CTNNA2: variants seen among roughly 807,000 people sequenced by gnomAD.
The protein encoded by CTNNA2 is catenin alpha 2.
In CTNNA2, 42 loss-of-function variants were observed where a neutral mutation model predicts 101.0. The observed-to-expected ratio is 0.42, with a 90% CI of 0.32 to 0.54. CTNNA2 has a LOEUF of 0.54. CTNNA2 is among the 20% of genes least tolerant of loss of function. The pLI, the probability that CTNNA2 is intolerant of heterozygous loss-of-function variation, is 0.14. For missense variants in CTNNA2, 871 were observed against 1,223.1 expected, an observed-to-expected ratio of 0.71 and a Z score of 4.29; for synonymous variants, 450 against 456.4, an observed-to-expected ratio of 0.99 and a Z score of 0.18.
At chr2:80,213,952 C>T (rs991941120) in intron 7 of CTNNA2, among the ~76,000 whole-genome samples, 6 of 152,132 alleles carry the variant, frequency 3.9e-5, no homozygotes, top group African/African-American at 1.4e-4. Flanking sequence ...TGAATTGATG[C>T]CTTTACCATT....
intron 3 of CTNNA2, among the ~76,000 whole-genome samples, chr2:79,821,446 C>T (rs1678000308): frequency 6.6e-6 from 1 of 152,124 alleles, no homozygotes; most frequent in African/African-American, 2.4e-5. Flanking sequence ...TGGCCTCAAG[C>T]AGTCCTATTG....
At chr2:79,552,082 T>A (rs577178386) in intron 1 of CTNNA2, among the ~76,000 whole-genome samples, 1 of 152,218 alleles carries the variant, frequency 6.6e-6, no homozygotes, top group African/African-American at 2.4e-5. Flanking sequence ...CAGTCCAAAG[T>A]CTCACTTGAG....
At chr2:79,614,205 ATATGT>A (rs1678473433) in intron 1 of CTNNA2, among the ~76,000 whole-genome samples, 1 of 152,208 alleles carries the variant, frequency 6.6e-6, no homozygotes, top group East Asian at 1.9e-4. Flanking sequence ...CTCCTCTTTA[ATATGT>A]TATATCAGTT....
chr2:80,251,850 A>C (rs922798650), intron 7 of CTNNA2, among the ~76,000 whole-genome samples: 11 of 152,214 alleles, frequency 7.2e-5, no homozygotes, highest in African/African-American at 2.7e-4. Flanking sequence ...GAGTCTAGCC[A>C]ACTTTTACCA....
chr2:79,994,838 T>C (rs1692432249), intron 7 of CTNNA2, among the ~76,000 whole-genome samples: 1 of 152,156 alleles, frequency 6.6e-6, no homozygotes, highest in Admixed American at 6.5e-5. Flanking sequence ...TCAGGAGATA[T>C]CACCCTGACT....
intron 7 of CTNNA2, among the ~76,000 whole-genome samples, chr2:79,977,314 G>A (rs1467875836): frequency 6.6e-6 from 1 of 151,726 alleles, no homozygotes; most frequent in Non-Finnish European, 1.5e-5. Flanking sequence ...CCCAGGGGCA[G>A]TTTTGCACTC....
At chr2:79,297,660 C>T (rs1676012679) in intron 2 of CTNNA2, among the ~76,000 whole-genome samples, 1 of 152,082 alleles carries the variant, frequency 6.6e-6, no homozygotes, top group Non-Finnish European at 1.5e-5. Flanking sequence ...AAATTCATTC[C>T]AACTATTTAT....
chr2:80,625,670 C>T (rs1462102242), intron 18 of CTNNA2, among the ~76,000 whole-genome samples: 2 of 152,050 alleles, frequency 1.3e-5, no homozygotes, highest in African/African-American at 4.8e-5. Flanking sequence ...CTATGCTTAA[C>T]ACATTAGCTT....
At chr2:79,618,683 G>GT (rs11400845) in intron 1 of CTNNA2, among the ~76,000 whole-genome samples, 24,674 of 151,450 alleles carry the variant, frequency 0.16, 3,510 homozygotes, top group African/African-American at 0.39. Context: ...TCCCATTCTT[G>GT]TTTTCTTCTC....
chr2:79,434,524 G>T (rs539426845), intron 4 of CTNNA2, among the ~76,000 whole-genome samples: 1 of 152,246 alleles, frequency 6.6e-6, no homozygotes, highest in African/African-American at 2.4e-5. Context: ...GCCAATGGAC[G>T]CCAGCTGAGT....
Position 79,421,627 on chromosome 2 carries a change from C to G in CTNNA2, c.-135+47614C>G, listed in dbSNP as rs80094632. On this transcript the variant is annotated intron_variant, in intron 4 of 21. Coordinates refer to the CTNNA2 transcript ENST00000466387. Reference sequence around the variant, plus strand: ...GGGTCAAGCACAGTATGATAAATAACTTGATTTGGTATCGGTTTATTTGTA... The same window carrying G: ...GGGTCAAGCACAGTATGATAAATAAGTTGATTTGGTATCGGTTTATTTGTA... 1.5e-3 allele frequency among the ~76,000 whole-genome samples: 229 copies of G among 152,156 alleles called. 2 individuals carry two copies. Among genetic ancestry groups the G allele is most frequent in the African/African-American group, 5.3e-3 (219 of 41,522 alleles).
intron 6 of CTNNA2, among the ~76,000 whole-genome samples, chr2:79,878,742 C>T (rs867837425): frequency 9.2e-5 from 14 of 152,116 alleles, no homozygotes; most frequent in Middle Eastern, 3.4e-3. Context: ...TCAGATGAGT[C>T]GATTGTAAAA....
chr2:79,786,895 C>G (rs6733064), intron 3 of CTNNA2, among the ~76,000 whole-genome samples: 27,251 of 151,988 alleles, frequency 0.18, 4,336 homozygotes, highest in African/African-American at 0.41. Context: ...ACTTCACTTT[C>G]CTCTTTTCTT....
chr2:79,382,789 AT>A (rs1678054304), intron 4 of CTNNA2, among the ~76,000 whole-genome samples: 1 of 151,876 alleles, frequency 6.6e-6, no homozygotes, highest in African/African-American at 2.4e-5. Flanking sequence ...AATTTTTCAT[AT>A]TTTTTAATAG....
chr2:79,304,398 G>A (rs1676184353), intron 2 of CTNNA2, among the ~76,000 whole-genome samples: 1 of 152,078 alleles, frequency 6.6e-6, no homozygotes, highest in Admixed American at 6.5e-5. Context: ...TTGAATCACA[G>A]AAAAATACAT....
At chr2:79,288,378 T>C (rs534724486) in intron 2 of CTNNA2, among the ~76,000 whole-genome samples, 3 of 152,344 alleles carry the variant, frequency 2.0e-5, no homozygotes, top group Non-Finnish European at 4.4e-5. Context: ...TAAAATGTAT[T>C]GGAATCCATC....
chr2:80,321,847 C>T (rs1294921869), intron 7 of CTNNA2, among the ~76,000 whole-genome samples: 1 of 152,164 alleles, frequency 6.6e-6, no homozygotes, highest in African/African-American at 2.4e-5. Context: ...TTTCTGCTAA[C>T]ATGTTTTGCG....
intron 9 of CTNNA2, among the ~76,000 whole-genome samples, chr2:80,472,119 C>CAAAA (rs35151279): frequency 7.0e-6 from 1 of 142,196 alleles, no homozygotes; most frequent in African/African-American, 2.5e-5. Flanking sequence ...GACTCCATCT[C>CAAAA]AAAAAAAAAA....
At chr2:80,194,000 T>C (rs1346709981) in intron 7 of CTNNA2, among the ~76,000 whole-genome samples, 1 of 152,190 alleles carries the variant, frequency 6.6e-6, no homozygotes, top group Non-Finnish European at 1.5e-5. Flanking sequence ...TAAAATTGTA[T>C]TATTCTACAC....
Sources: gnomAD v4.1 joint callset for allele counts (sites outside exome capture counted in the v4.1 genomes callset) on GRCh38, gnomAD v4.1.1 for gene constraint, MANE v1.5 for transcripts, NCBI Gene and HGNC (gene_info 2026-07-23, HGNC 2026-07-21) for gene names.